Variants in NKAIN2 observed in about 807,000 individuals in gnomAD.
NKAIN2 encodes sodium/potassium-transporting ATPase subunit beta-1-interacting protein 2.
In NKAIN2, 14 loss-of-function variants were observed where a neutral mutation model predicts 32.6. That is an observed-to-expected ratio of 0.43 (90% confidence interval 0.28 to 0.67). The LOEUF is 0.67. Among genes scored for constraint, NKAIN2 ranks in the 30% least tolerant of loss-of-function variants. The pLI is 0.17. For synonymous variants in NKAIN2, 80 were observed against 87.2 expected, an observed-to-expected ratio of 0.92 and a Z score of 0.46; for missense variants, 198 against 258.3, an observed-to-expected ratio of 0.77 and a Z score of 1.60.
In NKAIN2 at chr6:123,892,564, G is replaced by C. The variant is rs1316802835; in HGVS notation, c.54+88310G>C. On this transcript the variant is annotated intron_variant, in intron 1 of 6. Coordinates refer to ENST00000368417, the MANE Select transcript of NKAIN2 (RefSeq NM_001040214.3). ...CCTAGTCCCAACCTTGACACGTGGG[G>C]ATTATTATAATTCAAAATGAGATTT... Among the ~76,000 whole-genome samples the C allele has an allele frequency of 2.0e-5, 3 of 151,922 alleles. 1 individual carries two copies. In the East Asian group the frequency reaches 5.9e-4, roughly 30 times the overall value.
intron 3 of NKAIN2, among the ~76,000 whole-genome samples, chr6:124,523,292 A>G (rs1007451342): frequency 6.6e-6 from 1 of 152,150 alleles, no homozygotes; most frequent in Non-Finnish European, 1.5e-5. Context: ...ATCAAAATGA[A>G]TGGAATTTGT....
chr6:124,058,945 A>C (rs893432114), intron 1 of NKAIN2, among the ~76,000 whole-genome samples: 3 of 152,104 alleles, frequency 2.0e-5, no homozygotes, highest in African/African-American at 7.2e-5. Context: ...CTGGTTTAAC[A>C]GGACACATTT....
At chr6:124,118,484 C>T (rs954413585) in intron 1 of NKAIN2, among the ~76,000 whole-genome samples, 5 of 151,834 alleles carry the variant, frequency 3.3e-5, no homozygotes, top group Admixed American at 6.6e-5. Flanking sequence ...ACTAATACCT[C>T]GGGAGAAAAC....
At chr6:124,479,665 T>A (rs1777368243) in intron 3 of NKAIN2, among the ~76,000 whole-genome samples, 1 of 152,178 alleles carries the variant, frequency 6.6e-6, no homozygotes, top group African/African-American at 2.4e-5. Context: ...AAATCTAGAA[T>A]CAGCATATTT....
chr6:124,136,525 A>G (rs1276727890), intron 1 of NKAIN2, among the ~76,000 whole-genome samples: 1 of 152,140 alleles, frequency 6.6e-6, no homozygotes, highest in African/African-American at 2.4e-5. Context: ...TATTATCGTT[A>G]ATACCAAAAC....
At chr6:124,804,020 A>C (rs1213512402) in intron 5 of NKAIN2, among the ~76,000 whole-genome samples, 1 of 152,168 alleles carries the variant, frequency 6.6e-6, no homozygotes, top group African/African-American at 2.4e-5. Flanking sequence ...AGAGGAAGAA[A>C]TTAAGGCTCA....
intron 1 of NKAIN2, among the ~76,000 whole-genome samples, chr6:124,232,016 G>C (rs1242675756): frequency 1.3e-5 from 2 of 152,120 alleles, no homozygotes; most frequent in East Asian, 3.9e-4. Flanking sequence ...TGGATATTCA[G>C]AATTTTAAAC....
intron 5 of NKAIN2, among the ~76,000 whole-genome samples, chr6:124,812,438 T>C (rs1004717120): frequency 6.6e-6 from 1 of 152,168 alleles, no homozygotes; most frequent in African/African-American, 2.4e-5. Context: ...CTGAGGCTAA[T>C]GTAGTAAACA....
chr6:124,264,858 T>G (rs1297523533), intron 1 of NKAIN2, among the ~76,000 whole-genome samples: 1 of 152,238 alleles, frequency 6.6e-6, no homozygotes, highest in East Asian at 1.9e-4. Context: ...GTGCCAGCTA[T>G]ATAAAATGGT....
intron 2 of NKAIN2, among the ~76,000 whole-genome samples, chr6:124,341,960 C>G (rs1202227057): frequency 2.0e-5 from 3 of 152,080 alleles, no homozygotes; most frequent in African/African-American, 7.2e-5. Context: ...AGAATAAGAC[C>G]ATGGTGAGAA....
At chr6:124,105,753 C>T (rs183459139) in intron 1 of NKAIN2, among the ~76,000 whole-genome samples, 39 of 152,212 alleles carry the variant, frequency 2.6e-4, no homozygotes, top group African/African-American at 6.5e-4. Context: ...ATCAGTGTTT[C>T]ATTATTCTGA....
chr6:124,655,559 G>C (rs916650607), intron 3 of NKAIN2, among the ~76,000 whole-genome samples: 1 of 151,870 alleles, frequency 6.6e-6, no homozygotes, highest in Non-Finnish European at 1.5e-5. Flanking sequence ...TGGTGTGCTT[G>C]GGACTAAGGG....
chr6:124,572,171 A>G (rs1781152784), intron 3 of NKAIN2, among the ~76,000 whole-genome samples: 1 of 152,138 alleles, frequency 6.6e-6, no homozygotes, highest in Non-Finnish European at 1.5e-5. Flanking sequence ...TCCTTCCTCC[A>G]TCTTTGTTCT....
intron 3 of NKAIN2, among the ~76,000 whole-genome samples, chr6:124,390,225 G>A (rs1485852316): frequency 2.6e-5 from 4 of 152,078 alleles, no homozygotes; most frequent in Non-Finnish European, 5.9e-5. Flanking sequence ...TTCCACCTAA[G>A]ACTGAAGCAG....
intron 4 of NKAIN2, among the ~76,000 whole-genome samples, chr6:124,696,701 T>G (rs888974014): frequency 3.3e-5 from 5 of 151,876 alleles, no homozygotes; most frequent in African/African-American, 1.2e-4. Context: ...TTCTTGAGAA[T>G]CAAACCCAAT....
At chr6:124,663,025 C>A (rs73770505) in intron 4 of NKAIN2, among the ~76,000 whole-genome samples, 9,085 of 152,120 alleles carry the variant, frequency 0.06, 369 homozygotes, top group African/African-American at 0.12. Flanking sequence ...GGCCATGGGA[C>A]TATCCTTTGT....
At chr6:124,302,755 GA>G (rs956767579) in intron 2 of NKAIN2, among the ~76,000 whole-genome samples, 2 of 150,686 alleles carry the variant, frequency 1.3e-5, no homozygotes, top group African/African-American at 2.4e-5. Context: ...TACATTATTG[GA>G]AAAAAAAACT....
At chr6:124,515,500 A>C (rs1240335939) in intron 3 of NKAIN2, among the ~76,000 whole-genome samples, 2 of 151,910 alleles carry the variant, frequency 1.3e-5, no homozygotes, top group Admixed American at 6.6e-5. Flanking sequence ...TCTTTTAAAA[A>C]ACCAACTCTC....
chr6:123,877,945 C>T (rs905498513), intron 1 of NKAIN2, among the ~76,000 whole-genome samples: 5 of 151,992 alleles, frequency 3.3e-5, no homozygotes, highest in East Asian at 1.9e-4. Flanking sequence ...TTGTAATTAT[C>T]GCCGGGTGTG....
Sources: allele counts gnomAD v4.1 joint callset (sites outside exome capture counted in the v4.1 genomes callset), GRCh38; gene constraint gnomAD v4.1.1; transcripts MANE v1.5; gene names NCBI Gene and HGNC (gene_info 2026-07-23, HGNC 2026-07-21).